The following ETFBKMT variants were observed in gnomAD, a reference collection of about 807,000 sequenced individuals.
The protein encoded by ETFBKMT is electron transfer flavoprotein beta subunit lysine methyltransferase.
ETFBKMT carries 13 observed loss-of-function variants against 18.3 expected under a neutral mutation model. The ratio of observed to expected loss-of-function variants is 0.71; its 90% CI spans 0.46 to 1.13. The LOEUF is 1.13. ETFBKMT is among the 50% of genes most tolerant of loss of function. The pLI, the probability that ETFBKMT is intolerant of heterozygous loss-of-function variation, is 0.00. For missense variants in ETFBKMT, 293 were observed against 306.2 expected (o/e 0.96, Z 0.32); for synonymous variants, 84 against 107.9 (o/e 0.78, Z 1.37).
At chr12:31,663,518 G>A (rs1456912904) in intron 2 of ETFBKMT, among the ~76,000 whole-genome samples, 1 of 152,226 alleles carries the variant, frequency 6.6e-6, no homozygotes, top group Non-Finnish European at 1.5e-5. Context: ...GAGCCATCGT[G>A]CCTGGCAGTA....
chr12:31,672,073 A>C lies in ETFBKMT; in HGVS notation c.*4083A>C, dbSNP rs765264722. The C allele has an allele frequency of 1.8e-4, 73 of 407,730 alleles. No homozygotes were observed. Among genetic ancestry groups the C allele is most frequent in the Non-Finnish European group, 3.1e-4 (71 of 227,240 alleles). 25.3% of individuals were successfully genotyped at this position (407,730 alleles called of 1,614,324 possible). On this transcript the variant is annotated 3_prime_UTR_variant, in exon 4 of 4. Coordinates refer to ENST00000357721, the MANE Select transcript of ETFBKMT (RefSeq NM_001135863.2). ...TCATGCTAGGATTATCATTTCAAAA[A>C]TAATGACTCATCCAACAGATATAGA...
Position 31,672,188 on chromosome 12 carries a change from CAATAA to C in ETFBKMT, c.*4204_*4208del. On this transcript the variant is annotated 3_prime_UTR_variant, in exon 4 of 4. Coordinates refer to ENST00000357721, the MANE Select transcript of ETFBKMT (RefSeq NM_001135863.2). ...ATTCTCTGAGAGTTATAACTTAAGA[CAATAA>C]AATAATTAAAAATAGTGTTAACATT... The C allele has an allele frequency of 1.4e-6, 1 of 723,122 alleles. No individual in the cohort carries two copies. The highest frequency in any genetic ancestry group is 2.4e-6 in the Non-Finnish European group (1 of 423,906). The allele number at this position is 723,122 out of a possible 1,614,324, so 44.8% of individuals were successfully genotyped here.
chr12:31,652,806 A>G (rs1413815360), intron 1 of ETFBKMT, among the ~76,000 whole-genome samples: 1 of 152,236 alleles, frequency 6.6e-6, no homozygotes, highest in Non-Finnish European at 1.5e-5. Context: ...TGTGTGTGAG[A>G]GAAAGATTGA....
intron 2 of ETFBKMT, among the ~76,000 whole-genome samples, chr12:31,664,001 A>ATCTCTT (rs1951163084): frequency 6.6e-6 from 1 of 151,104 alleles, no homozygotes; most frequent in Admixed American, 6.6e-5. Context: ...TTACTCCCGT[A>ATCTCTT]TCTCTTACTG....
chr12:31,654,112 C>T (rs866919664), intron 1 of ETFBKMT, among the ~76,000 whole-genome samples: 7 of 152,134 alleles, frequency 4.6e-5, no homozygotes, highest in South Asian at 2.1e-4. Flanking sequence ...TGTGGTTGCA[C>T]GATCTCAGCT....
intron 1 of ETFBKMT, among the ~76,000 whole-genome samples, chr12:31,648,751 C>T (rs575315579): frequency 5.1e-4 from 78 of 151,790 alleles, no homozygotes; most frequent in African/African-American, 1.4e-3. Flanking sequence ...TTAGTAGAGA[C>T]AGGGTTTCAC....
rs78990498 is a variant in ETFBKMT, at chr12:31,648,111, C to T, written c.-114+856C>T. Among the ~76,000 whole-genome samples, 133 of 152,220 alleles carry T rather than the reference C, an allele frequency of 8.7e-4. 1 individual carries two copies. In the East Asian group the frequency reaches 0.022, roughly 25 times the overall value. ...ATTCATAATAGCCAGAAAGTGGAAA[C>T]CACCTTAATGTTTATCACAGATGAA... On this transcript the variant is annotated intron_variant, in intron 1 of 3. Transcript: ENST00000412352.
At chr12:31,647,997 C>A (rs1197808049) in intron 1 of ETFBKMT, among the ~76,000 whole-genome samples, 2 of 152,176 alleles carry the variant, frequency 1.3e-5, no homozygotes, top group Admixed American at 6.5e-5. Context: ...ACTATATCAC[C>A]CAGCACTTCC....
At chr12:31,666,336 G>T (rs1951196216) in intron 3 of ETFBKMT, 119 bp downstream of exon 3, 3 of 1,068,348 alleles carry the variant, frequency 2.8e-6, no homozygotes, top group Non-Finnish European at 3.9e-6. Flanking sequence ...TGGACATTGT[G>T]AATCTCTGTG....
intron 1 of ETFBKMT, among the ~76,000 whole-genome samples, chr12:31,661,478 CT>C (rs879855966): frequency 2.1e-3 from 307 of 145,392 alleles, no homozygotes; most frequent in East Asian, 2.4e-3. Context: ...TATTTTATTT[CT>C]TTTTTTTTTT....
chr12:31,665,309 GCTGAAGAGAAAGAC>G (rs1397833767), intron 2 of ETFBKMT, among the ~76,000 whole-genome samples: 2 of 152,060 alleles, frequency 1.3e-5, no homozygotes, highest in Non-Finnish European at 2.9e-5. Flanking sequence ...CTTCACACCT[GCTGAAGAGAAAGAC>G]CAAATGACTA....
At chr12:31,647,164 T>G (rs1004128057) in exon 1 of ETFBKMT, 1 of 152,360 alleles carries the variant, frequency 6.6e-6, no homozygotes, top group Non-Finnish European at 1.5e-5. Context: ...TTAATATTCT[T>G]AATGGAATCC....
At chr12:31,662,741 TG>T (rs1240163783) in intron 2 of ETFBKMT, among the ~76,000 whole-genome samples, 1 of 152,158 alleles carries the variant, frequency 6.6e-6, no homozygotes, top group Admixed American at 6.6e-5. Flanking sequence ...TAGAGTCAGC[TG>T]TCAAGACCCT....
rs1484908412 is a variant in ETFBKMT, at chr12:31,670,020, T to G, written c.*2030T>G. Reference sequence around the variant, plus strand: ...GCATGCACCACCATGCCCAGCTAATTTTTGTATTTTTAGTAAAGACAGGGC... The same window carrying G: ...GCATGCACCACCATGCCCAGCTAATGTTTGTATTTTTAGTAAAGACAGGGC... On this transcript the variant is annotated 3_prime_UTR_variant, in exon 4 of 4. Coordinates refer to ENST00000357721, the MANE Select transcript of ETFBKMT (RefSeq NM_001135863.2). The G allele has an allele frequency of 6.6e-6, 1 of 151,796 alleles. No individual in the cohort carries two copies. The highest frequency in any genetic ancestry group is 6.6e-5 in the Admixed American group (1 of 15,234). The allele number at this position is 151,796 out of a possible 1,614,324, so 9.4% of individuals were successfully genotyped here. A position where few individuals can be genotyped will look rare whatever the true frequency, so the allele number is the denominator to read the frequency against.
rs1433489727 is a variant in ETFBKMT at position 31,659,788 on chromosome 12, A to G, written c.-115A>G. 1 of 152,118 alleles carries G rather than the reference A, an allele frequency of 6.6e-6. No homozygotes were observed. The highest frequency in any genetic ancestry group is 1.5e-5 in the Non-Finnish European group (1 of 68,042). The allele number at this position is 152,118 out of a possible 1,614,324, so 9.4% of individuals were successfully genotyped here. ...GAAGTCTACGCTGAGTTCACAGGCT[A>G]TGTATGACCTGACATGCATTTTGAC... On this transcript the variant is annotated splice_region_variant and 5_prime_UTR_variant, in exon 1 of 4. Coordinates refer to ENST00000357721, the MANE Select transcript of ETFBKMT (RefSeq NM_001135863.2).
chr12:31,650,182 G>C (rs1208176401), intron 1 of ETFBKMT, among the ~76,000 whole-genome samples: 1 of 148,144 alleles, frequency 6.8e-6, no homozygotes, highest in Admixed American at 6.8e-5. Context: ...ATAGGAGGTC[G>C]CTGTAAAGAC....
intron 1 of ETFBKMT, 169 bp downstream of exon 1, chr12:31,659,958 G>C (rs1222874039): frequency 7.0e-6 from 1 of 142,778 alleles, no homozygotes; most frequent in Non-Finnish European, 1.5e-5. Context: ...AGACCAGTCT[G>C]GCCAACATGG....
upstream of ETFBKMT, chr12:31,659,402 C>A (rs1485600944): frequency 1.3e-5 from 2 of 152,256 alleles, no homozygotes; most frequent in African/African-American, 2.4e-5. Context: ...CCTTTAAGAT[C>A]GACTCCACCC....
intron 1 of ETFBKMT, 97 bp from the exon 2 acceptor site, chr12:31,661,744 C>T (rs1217420494): frequency 1.5e-5 from 8 of 526,964 alleles, no homozygotes; most frequent in Non-Finnish European, 2.4e-5. Context: ...CAGGCGTGAG[C>T]CACCGCGCCC....
Sources: allele counts gnomAD v4.1 joint callset (sites outside exome capture counted in the v4.1 genomes callset), GRCh38; gene constraint gnomAD v4.1.1; transcripts MANE v1.5; gene names NCBI Gene and HGNC (gene_info 2026-07-23, HGNC 2026-07-21).